Variants in GRID2 observed in about 807,000 individuals in gnomAD.
GRID2 encodes the protein glutamate ionotropic receptor delta type subunit 2.
Under a neutral mutation model 114.8 loss-of-function variants are expected in GRID2, and 33 were observed. That is an observed-to-expected ratio of 0.29 (90% CI 0.22 to 0.38). The LOEUF is 0.38. Among genes scored for constraint, GRID2 ranks in the 10% least tolerant of loss-of-function variants. The probability of loss-of-function intolerance (pLI) is 1.00; values close to 1 mark genes in which losing one functional copy is unlikely to be tolerated. For synonymous variants in GRID2, 505 were observed against 449.9 expected, an observed-to-expected ratio of 1.12 and a Z score of -1.55; for missense variants, 1,184 against 1,257.7, an observed-to-expected ratio of 0.94 and a Z score of 0.89.
chr4:92,476,911 A>G (rs182376485), intron 1 of GRID2, among the ~76,000 whole-genome samples: 2 of 152,214 alleles, frequency 1.3e-5, no homozygotes, highest in African/African-American at 4.8e-5. Context: ...TAAAATTGAA[A>G]TAATATATAC....
chr4:93,433,199 A>T (rs899706262), intron 10 of GRID2, among the ~76,000 whole-genome samples: 1 of 152,224 alleles, frequency 6.6e-6, no homozygotes, highest in Non-Finnish European at 1.5e-5. Flanking sequence ...AGAAAATAAT[A>T]TCTATCTGAA....
chr4:92,952,270 C>T (rs1319254425), intron 2 of GRID2, among the ~76,000 whole-genome samples: 2 of 152,122 alleles, frequency 1.3e-5, no homozygotes, highest in Admixed American at 1.3e-4. Flanking sequence ...TAATTTGTAG[C>T]ATCCATACAT....
intron 8 of GRID2, among the ~76,000 whole-genome samples, chr4:93,393,274 C>T (rs1164539244): frequency 6.6e-6 from 1 of 151,674 alleles, no homozygotes; most frequent in East Asian, 1.9e-4. Context: ...CTTACCAATC[C>T]TAAAATCCAG....
intron 8 of GRID2, among the ~76,000 whole-genome samples, chr4:93,241,454 A>G (rs1747502417): frequency 1.3e-5 from 2 of 151,802 alleles, no homozygotes; most frequent in Non-Finnish European, 2.9e-5. Context: ...AACTTAGATC[A>G]GATTAAGGAA....
chr4:93,250,238 C>T (rs753404726), intron 8 of GRID2, among the ~76,000 whole-genome samples: 12 of 151,946 alleles, frequency 7.9e-5, no homozygotes, highest in East Asian at 1.9e-4. Flanking sequence ...AGCAAACTAA[C>T]GCAGGAACAG....
intron 4 of GRID2, among the ~76,000 whole-genome samples, chr4:93,170,790 A>G (rs1036321693): frequency 2.0e-5 from 3 of 152,202 alleles, no homozygotes; most frequent in African/African-American, 7.2e-5. Context: ...TAGATGTCAA[A>G]TAGGCTTTAA....
intron 2 of GRID2, among the ~76,000 whole-genome samples, chr4:92,844,412 C>T (rs534610917): frequency 4.0e-5 from 6 of 151,846 alleles, no homozygotes; most frequent in South Asian, 2.1e-4. Context: ...TGGTGGCAGG[C>T]GACGTAATCC....
At chr4:93,778,827 G>A (rs903512617), downstream of GRID2, among the ~76,000 whole-genome samples, 3 of 151,996 alleles carry the variant, frequency 2.0e-5, no homozygotes, top group Non-Finnish European at 4.4e-5. Flanking sequence ...TGATGTATGT[G>A]ATACAAAACT....
chr4:93,540,126 T>C (rs1732513654), intron 13 of GRID2, among the ~76,000 whole-genome samples: 1 of 152,040 alleles, frequency 6.6e-6, no homozygotes, highest in Admixed American at 6.6e-5. Flanking sequence ...TCTATTCTTA[T>C]CTTTCAAAAC....
At position 93,532,032 on chromosome 4, in the gene GRID2, T is replaced by C. The variant is rs993596849; in HGVS notation, c.2193+16621T>C. On this transcript the variant is annotated intron_variant, in intron 13 of 15. Coordinates refer to ENST00000282020, the MANE Select transcript of GRID2 (RefSeq NM_001510.4). Reference sequence around the variant, plus strand: ...TAAAGAGGAAGATAAAAAAGGAGTTTGAATCTGAAATTCCCTACTAACTGG... The same window carrying C: ...TAAAGAGGAAGATAAAAAAGGAGTTCGAATCTGAAATTCCCTACTAACTGG... Among the ~76,000 whole-genome samples the C allele has an allele frequency of 4.6e-5, 7 of 152,284 alleles. No homozygotes were observed. In the East Asian group the frequency reaches 1.4e-3, roughly 29 times the overall value.
chr4:92,726,740 G>A (rs1001718887), intron 2 of GRID2, among the ~76,000 whole-genome samples: 1 of 152,012 alleles, frequency 6.6e-6, no homozygotes, highest in African/African-American at 2.4e-5. Context: ...AATCCATATC[G>A]ATTAAGCTGA....
At chr4:92,732,411 G>A (rs192795571) in intron 2 of GRID2, among the ~76,000 whole-genome samples, 1 of 151,980 alleles carries the variant, frequency 6.6e-6, no homozygotes, top group Non-Finnish European at 1.5e-5. Context: ...GTATGTGCTA[G>A]AGTTAAAATG....
At chr4:93,661,025 T>A (rs1361403617) in intron 14 of GRID2, among the ~76,000 whole-genome samples, 1 of 152,140 alleles carries the variant, frequency 6.6e-6, no homozygotes, top group Non-Finnish European at 1.5e-5. Flanking sequence ...CTCCCAAGTG[T>A]GTTGGCTTTA....
chr4:93,340,985 C>T (rs1232445067), intron 8 of GRID2, among the ~76,000 whole-genome samples: 1 of 152,122 alleles, frequency 6.6e-6, no homozygotes, highest in Non-Finnish European at 1.5e-5. Flanking sequence ...TATTGTGGGT[C>T]TATCTAATTT....
chr4:92,696,827 T>C (rs890613964), intron 2 of GRID2, among the ~76,000 whole-genome samples: 13 of 152,206 alleles, frequency 8.5e-5, no homozygotes, highest in East Asian at 1.9e-4. Context: ...ATTCTACTAC[T>C]GTGAAGCTGA....
chr4:92,449,676 G>GAGATATAT (rs1491302049), intron 1 of GRID2, among the ~76,000 whole-genome samples: 2 of 96,764 alleles, frequency 2.1e-5, no homozygotes, highest in Non-Finnish European at 4.0e-5. Context: ...TTTTCTTACT[G>GAGATATAT]ATATATATAT....
At chr4:92,341,140 A>C (rs929222194) in intron 1 of GRID2, among the ~76,000 whole-genome samples, 6 of 152,202 alleles carry the variant, frequency 3.9e-5, no homozygotes, top group African/African-American at 1.4e-4. Context: ...AAAGCGCAGT[A>C]AGCTGCTGCC....
intron 2 of GRID2, among the ~76,000 whole-genome samples, chr4:92,752,705 G>T (rs1737511807): frequency 6.6e-6 from 1 of 152,074 alleles, no homozygotes; most frequent in Admixed American, 6.6e-5. Context: ...TAGCTAATAG[G>T]ATACTTGTGA....
intron 1 of GRID2, among the ~76,000 whole-genome samples, chr4:92,428,825 T>A (rs1422845914): frequency 6.6e-6 from 1 of 152,186 alleles, no homozygotes; most frequent in African/African-American, 2.4e-5. Flanking sequence ...TGTACATTTT[T>A]TTGAAAACAT....
Sources: gnomAD v4.1 joint callset for allele counts (sites outside exome capture counted in the v4.1 genomes callset) on GRCh38, gnomAD v4.1.1 for gene constraint, MANE v1.5 for transcripts, NCBI Gene and HGNC (gene_info 2026-07-23, HGNC 2026-07-21) for gene names.